AGTPBP1: variants seen among roughly 807,000 people sequenced by gnomAD.
AGTPBP1 encodes ATP/GTP binding carboxypeptidase 1.
Under a neutral mutation model 143.9 loss-of-function variants are expected in AGTPBP1, and 70 were observed. The observed-to-expected ratio is 0.49, with a 90% CI of 0.40 to 0.59. The LOEUF is 0.59. Ranked by LOEUF, AGTPBP1 falls within the 20% of genes least tolerant of loss-of-function variation. AGTPBP1 has a pLI of 0.00. For synonymous variants in AGTPBP1, 463 were observed against 500.2 expected, an observed-to-expected ratio of 0.93 and a Z score of 0.99; for missense variants, 1,229 against 1,464.5, an observed-to-expected ratio of 0.84 and a Z score of 2.62.
intron 1 of AGTPBP1, among the ~76,000 whole-genome samples, chr9:85,718,613 G>A (rs943239127): frequency 7.2e-5 from 11 of 152,182 alleles, no homozygotes; most frequent in Non-Finnish European, 1.5e-4. Context: ...CTCCCATTCT[G>A]TAGGTTGCCT....
chr9:85,657,698 T>C (rs998986747), intron 9 of AGTPBP1, 55 bp from the exon 10 acceptor site: 2 of 1,302,016 alleles, frequency 1.5e-6, no homozygotes, highest in African/African-American at 3.0e-5. Flanking sequence ...GAGTGAGTGG[T>C]AGAATAATCA....
chr9:85,747,002 T>C (rs10780741), upstream of AGTPBP1, among the ~76,000 whole-genome samples: 48,432 of 151,810 alleles, frequency 0.32, 12,125 homozygotes, highest in East Asian at 0.79. Context: ...GACAGACGCA[T>C]ACCACCACAC....
At chr9:85,753,234 A>C in the AGTPBP1 span, 1 of 1,561,810 alleles carries the variant, frequency 6.4e-7, no homozygotes, top group Non-Finnish European at 8.7e-7. Flanking sequence ...GAAAGAAAAA[A>C]AAAATTGTCA....
chr9:85,650,118 T>C (rs902153786), intron 11 of AGTPBP1, among the ~76,000 whole-genome samples: 4 of 148,546 alleles, frequency 2.7e-5, no homozygotes, highest in African/African-American at 9.9e-5. Context: ...GGAGAACTAA[T>C]CTATGAAGTC....
In AGTPBP1 at chr9:85,592,544, A is replaced by C. The variant is rs189534360; in HGVS notation, c.2568+16T>G. On this transcript the variant is annotated intron_variant, in intron 19 of 25. Coordinates refer to ENST00000357081, the MANE Select transcript of AGTPBP1 (RefSeq NM_001330701.2). ...TATACATATCCATATAATACAATTT[A>C]ATTTAGAGTTCTTACCTGTAAAGTT... is the stretch of plus-strand genomic sequence containing the variant. 1,375 of 1,552,750 alleles carry C rather than the reference A, an allele frequency of 8.9e-4. 7 individuals carry two copies. In the African/African-American group the frequency reaches 0.011, roughly 12 times the overall value.
rs1222730464 is a variant in AGTPBP1, at chr9:85,642,786, T to C, written c.1302+41A>G. ...ACCTAAGGGAAAAAAAATAACTTTT[T>C]ATTAAAATCAGTTAAGATGCTGAAT... On this transcript the variant is annotated intron_variant, in intron 13 of 25. Coordinates refer to ENST00000357081, the MANE Select transcript of AGTPBP1 (RefSeq NM_001330701.2). 3.4e-6 allele frequency: 5 copies of C among 1,478,844 alleles called. No homozygotes were observed. The South Asian group carries it at 3.7e-5, about 11-fold the overall frequency. 91.6% of individuals were successfully genotyped at this position (1,478,844 alleles called of 1,614,324 possible).
chr9:85,551,477 A>G (rs775221408), intron 25 of AGTPBP1, among the ~76,000 whole-genome samples: 1 of 152,182 alleles, frequency 6.6e-6, no homozygotes, highest in African/African-American at 2.4e-5. Context: ...TATTCTCAGT[A>G]CTAAATCACA....
chr9:85,587,600 T>A (rs1828696692), intron 21 of AGTPBP1, among the ~76,000 whole-genome samples: 1 of 152,126 alleles, frequency 6.6e-6, no homozygotes, highest in East Asian at 1.9e-4. Flanking sequence ...AAGAAGAAAT[T>A]CTATATTTTA....
chr9:85,607,910 A>C (rs76195649), intron 17 of AGTPBP1, among the ~76,000 whole-genome samples: 2,513 of 152,230 alleles, frequency 0.017, 29 homozygotes, highest in Middle Eastern at 0.054. Flanking sequence ...CGTAGAAAAA[A>C]ATACATGCTT....
intron 11 of AGTPBP1, among the ~76,000 whole-genome samples, chr9:85,653,966 G>C (rs1173923690): frequency 6.6e-6 from 1 of 151,964 alleles, no homozygotes; most frequent in African/African-American, 2.4e-5. Flanking sequence ...TTTTAAAGGA[G>C]GTTTCTAAAT....
At chr9:85,772,561 A>G in the AGTPBP1 span, among the ~76,000 whole-genome samples, 1 of 152,182 alleles carries the variant, frequency 6.6e-6, no homozygotes, top group South Asian at 2.1e-4. Context: ...AGCTTGGGCA[A>G]CATAGTGAGA....
intron 17 of AGTPBP1, among the ~76,000 whole-genome samples, chr9:85,613,680 T>C (rs529444226): frequency 6.6e-6 from 1 of 152,184 alleles, no homozygotes; most frequent in South Asian, 2.1e-4. Context: ...TTTTTGCAAA[T>C]TTCATTAAAA....
chr9:85,687,597 C>T lies in AGTPBP1; in HGVS notation c.157+5092G>A, dbSNP rs1239835736. Among the ~76,000 whole-genome samples, 5 of 151,434 alleles carry T rather than the reference C, an allele frequency of 3.3e-5. No individual in the cohort carries two copies. The East Asian group carries it at 7.7e-4, about 23-fold the overall frequency. On this transcript the variant is annotated intron_variant, in intron 3 of 25. Coordinates refer to ENST00000357081, the MANE Select transcript of AGTPBP1 (RefSeq NM_001330701.2). ...CCTGAAATATTGGGAAATTAAACAACACACTTCTAAAAAAAAAATGGGTCA... is the reference window on the plus strand; with the variant it reads ...CCTGAAATATTGGGAAATTAAACAATACACTTCTAAAAAAAAAATGGGTCA...
At chr9:85,684,454 T>C (rs1270402251) in intron 3 of AGTPBP1, among the ~76,000 whole-genome samples, 1 of 152,090 alleles carries the variant, frequency 6.6e-6, no homozygotes, top group Non-Finnish European at 1.5e-5. Context: ...AACATATCAG[T>C]TGTTCCCTCT....
intron 1 of AGTPBP1, among the ~76,000 whole-genome samples, chr9:85,733,164 C>T (rs1179602997): frequency 2.0e-5 from 3 of 152,140 alleles, no homozygotes; most frequent in Admixed American, 6.5e-5. Context: ...AGGTACTCAA[C>T]AACAGAATAT....
At chr9:85,727,381 T>C (rs1838571307) in intron 1 of AGTPBP1, among the ~76,000 whole-genome samples, 1 of 152,110 alleles carries the variant, frequency 6.6e-6, no homozygotes, top group African/African-American at 2.4e-5. Flanking sequence ...CACAGAGAGA[T>C]GCTGGTGTCA....
At chr9:85,621,057 C>G (rs1363201503) in intron 15 of AGTPBP1, 145 bp downstream of exon 15, 2 of 378,966 alleles carry the variant, frequency 5.3e-6, no homozygotes, top group Non-Finnish European at 8.9e-6. Flanking sequence ...AATTAAGTCA[C>G]AACTAGTTAT....
At chr9:85,732,619 ATTTAC>A (rs1238381017) in intron 1 of AGTPBP1, among the ~76,000 whole-genome samples, 3 of 152,176 alleles carry the variant, frequency 2.0e-5, no homozygotes, top group Admixed American at 2.0e-4. Context: ...GAAATAAGTA[ATTTAC>A]TTTAGGAAGT....
Position 85,660,453 on chromosome 9 carries a change from T to C in AGTPBP1, c.700+483A>G, listed in dbSNP as rs563060959. ...ATAAGGAAAACAGTGCTTTATTTTG[T>C]AAATGAATTAGACTGTAAATGTATA... On this transcript the variant is annotated intron_variant, in intron 9 of 25. Transcript: ENST00000357081. Among the ~76,000 whole-genome samples the C allele has an allele frequency of 2.6e-5, 4 of 152,304 alleles. No homozygotes were observed. The South Asian group carries it at 8.3e-4, about 32-fold the overall frequency.
Sources: gnomAD v4.1 joint callset for allele counts (sites outside exome capture counted in the v4.1 genomes callset) on GRCh38, gnomAD v4.1.1 for gene constraint, MANE v1.5 for transcripts, NCBI Gene and HGNC (gene_info 2026-07-23, HGNC 2026-07-21) for gene names.